Variants in UVRAG observed in about 807,000 individuals in gnomAD.
UVRAG encodes the protein UV radiation resistance-associated gene protein.
Under a neutral mutation model 78.0 loss-of-function variants are expected in UVRAG, and 19 were observed. That is an observed-to-expected ratio of 0.24 (90% CI 0.17 to 0.36). The LOEUF (loss-of-function observed/expected upper bound fraction) is 0.36. Ranked by LOEUF, UVRAG falls within the 10% of genes least tolerant of loss-of-function variation. UVRAG has a pLI of 1.00. For missense variants in UVRAG, 740 were observed against 853.8 expected (o/e 0.87, Z 1.66); for synonymous variants, 323 against 324.6 (o/e 1.00, Z 0.05).
At chr11:75,886,182 T>C (rs1408183578) in intron 4 of UVRAG, among the ~76,000 whole-genome samples, 2 of 152,150 alleles carry the variant, frequency 1.3e-5, no homozygotes, top group African/African-American at 4.8e-5. Context: ...CAAGTACTAG[T>C]ACTATATTGT....
At chr11:75,877,762 G>C (rs1236042088) in intron 3 of UVRAG, among the ~76,000 whole-genome samples, 2 of 142,980 alleles carry the variant, frequency 1.4e-5, no homozygotes, top group East Asian at 4.4e-4. Flanking sequence ...CCTCCCGGAC[G>C]GAGCGGCTGG....
chr11:76,055,852 G>A (rs1158677461), intron 12 of UVRAG, among the ~76,000 whole-genome samples: 2 of 152,160 alleles, frequency 1.3e-5, no homozygotes, highest in Non-Finnish European at 2.9e-5. Context: ...TGGGACTACA[G>A]GTGCCCGCCA....
At chr11:75,847,588 TA>T (rs1457862204) in intron 1 of UVRAG, among the ~76,000 whole-genome samples, 2 of 152,080 alleles carry the variant, frequency 1.3e-5, no homozygotes, top group Non-Finnish European at 2.9e-5. Context: ...TGAACGTTAT[TA>T]AAAAAGAAGG....
chr11:76,094,457 G>T (rs529905186), intron 13 of UVRAG, among the ~76,000 whole-genome samples: 11 of 152,124 alleles, frequency 7.2e-5, no homozygotes, highest in Non-Finnish European at 1.5e-4. Flanking sequence ...TTGTACCTCC[G>T]GTAGAATTTG....
At chr11:76,083,600 C>T (rs1591217230) in intron 13 of UVRAG, among the ~76,000 whole-genome samples, 2 of 152,170 alleles carry the variant, frequency 1.3e-5, no homozygotes, top group South Asian at 4.1e-4. Context: ...ATTTTTAATA[C>T]ACTAATTGTG....
intron 3 of UVRAG, among the ~76,000 whole-genome samples, chr11:75,869,462 A>AGT (rs1018042312): frequency 9.9e-5 from 15 of 151,756 alleles, no homozygotes; most frequent in African/African-American, 1.9e-4. Context: ...ATTAACATTG[A>AGT]GTGTGTGTGT....
chr11:75,992,950 G>A (rs1008442517), intron 8 of UVRAG, among the ~76,000 whole-genome samples: 8 of 152,120 alleles, frequency 5.3e-5, no homozygotes, highest in Non-Finnish European at 7.4e-5. Flanking sequence ...TTACTAGTGC[G>A]TTCTTACATA....
intron 12 of UVRAG, among the ~76,000 whole-genome samples, chr11:76,044,619 A>G (rs1259976928): frequency 6.6e-6 from 1 of 152,088 alleles, no homozygotes; most frequent in African/African-American, 2.4e-5. Flanking sequence ...TAAAATATCA[A>G]AAACATTAGC....
At chr11:75,840,479 C>A (rs1254697355) in intron 1 of UVRAG, among the ~76,000 whole-genome samples, 2 of 152,084 alleles carry the variant, frequency 1.3e-5, no homozygotes, top group Non-Finnish European at 2.9e-5. Flanking sequence ...AAATAAGAAA[C>A]CCACAGCCAA....
intron 4 of UVRAG, among the ~76,000 whole-genome samples, chr11:75,887,588 C>A (rs958877494): frequency 5.3e-5 from 8 of 152,086 alleles, no homozygotes; most frequent in Admixed American, 2.6e-4. Context: ...GCTGGGACTG[C>A]AGGCGCCCGC....
intron 8 of UVRAG, among the ~76,000 whole-genome samples, chr11:75,998,494 T>C (rs2135318088): frequency 6.6e-6 from 1 of 152,282 alleles, no homozygotes; most frequent in Non-Finnish European, 1.5e-5. Flanking sequence ...GAGTTTCACT[T>C]CTACCCTGAG....
intron 6 of UVRAG, among the ~76,000 whole-genome samples, chr11:75,947,310 C>G (rs1948604413): frequency 6.6e-6 from 1 of 152,100 alleles, no homozygotes; most frequent in Admixed American, 6.6e-5. Flanking sequence ...AGTAACATTT[C>G]TGGGAGTAAT....
At position 76,003,443 on chromosome 11, in the gene UVRAG, A is replaced by T. The variant is rs184311199; in HGVS notation, c.827-562A>T. 5.3e-5 allele frequency among the ~76,000 whole-genome samples: 8 copies of T among 151,388 alleles called. No homozygotes were observed. In the East Asian group the frequency reaches 1.2e-3, roughly 22 times the overall value. The stretch of plus-strand genomic sequence containing the variant: ...ACCATGTTAGCCAGGCTGGTCTCGA[A>T]CTCCTGACCTCAAGTGATCTGCCAG... On this transcript the variant is annotated intron_variant, in intron 8 of 14. Transcript: ENST00000356136.
intron 9 of UVRAG, among the ~76,000 whole-genome samples, chr11:76,004,531 C>T (rs1949887945): frequency 1.3e-5 from 2 of 151,712 alleles, no homozygotes; most frequent in South Asian, 2.1e-4. Context: ...CTCCATGCTA[C>T]GATCAGACCT....
At chr11:76,037,390 A>G (rs1296086118) in intron 12 of UVRAG, among the ~76,000 whole-genome samples, 1 of 152,188 alleles carries the variant, frequency 6.6e-6, no homozygotes, top group Non-Finnish European at 1.5e-5. Flanking sequence ...TAGAAAGGCA[A>G]TATACGTTTT....
intron 5 of UVRAG, among the ~76,000 whole-genome samples, chr11:75,892,904 G>C (rs1447452798): frequency 6.6e-6 from 1 of 152,138 alleles, no homozygotes; most frequent in African/African-American, 2.4e-5. Flanking sequence ...TCCTGGCCGG[G>C]TGCTGTGACT....
In UVRAG at chr11:76,086,619, CAA is replaced by C. The variant is rs112685511; in HGVS notation, c.1305+20832_1305+20833del. 1.7e-3 allele frequency among the ~76,000 whole-genome samples: 265 copies of C among 152,270 alleles called. 1 individual carries two copies. The highest frequency in any genetic ancestry group is 6.1e-3 in the African/African-American group (253 of 41,554). The stretch of plus-strand genomic sequence containing the variant: ...CATGTTTCATAAAATTAAAGTGCCT[CAA>C]GAGTCAGCTAATATAAAGTAATATT... On this transcript the variant is annotated intron_variant, in intron 13 of 14. Coordinates refer to ENST00000356136, the MANE Select transcript of UVRAG (RefSeq NM_003369.4).
At chr11:75,918,321 T>G (rs112538438) in intron 6 of UVRAG, among the ~76,000 whole-genome samples, 4,809 of 148,888 alleles carry the variant, frequency 0.032, 255 homozygotes, top group African/African-American at 0.11. Flanking sequence ...GAGCTTGCAG[T>G]GAGCCGAGAT....
At chr11:75,816,032 C>T (rs1186187222) in intron 1 of UVRAG, among the ~76,000 whole-genome samples, 2 of 152,218 alleles carry the variant, frequency 1.3e-5, no homozygotes, top group Non-Finnish European at 2.9e-5. Context: ...CTTTAATCTC[C>T]CCTGATTATT....
Sources: allele counts gnomAD v4.1 joint callset (sites outside exome capture counted in the v4.1 genomes callset), GRCh38; gene constraint gnomAD v4.1.1; transcripts MANE v1.5; gene names NCBI Gene and HGNC (gene_info 2026-07-23, HGNC 2026-07-21).